Variants in SGCZ observed in about 807,000 individuals in gnomAD.
SGCZ encodes the protein zeta-sarcoglycan.
Under a neutral mutation model 41.3 loss-of-function variants are expected in SGCZ, and 40 were observed. The ratio of observed to expected loss-of-function variants is 0.97; its 90% confidence interval spans 0.75 to 1.26. The LOEUF is 1.26. Among genes scored for constraint, SGCZ ranks in the 50% most tolerant of loss-of-function variants. SGCZ has a pLI of 0.00. For missense variants in SGCZ, 552 were observed against 369.8 expected (o/e 1.49, Z -4.04); for synonymous variants, 206 against 137.5 (o/e 1.50, Z -3.49).
At chr8:14,352,617 T>G (rs565766937) in intron 2 of SGCZ, among the ~76,000 whole-genome samples, 2 of 152,240 alleles carry the variant, frequency 1.3e-5, no homozygotes, top group African/African-American at 4.8e-5. Flanking sequence ...CTACGTGTCC[T>G]CTGGCTTGGG....
chr8:14,913,816 T>C (rs957584977), intron 1 of SGCZ, among the ~76,000 whole-genome samples: 72 of 152,224 alleles, frequency 4.7e-4, no homozygotes, highest in Non-Finnish European at 9.7e-4. Context: ...GCAGCACATA[T>C]TTCTTTAGTC....
intron 1 of SGCZ, among the ~76,000 whole-genome samples, chr8:15,177,801 T>C (rs984765496): frequency 3.9e-5 from 6 of 152,208 alleles, no homozygotes; most frequent in African/African-American, 1.4e-4. Flanking sequence ...TGAGACACCC[T>C]GAACCAGTAT....
intron 2 of SGCZ, among the ~76,000 whole-genome samples, chr8:14,340,575 G>T (rs1353391935): frequency 6.6e-6 from 1 of 151,920 alleles, no homozygotes; most frequent in East Asian, 1.9e-4. Context: ...TTATGTACAA[G>T]CACAAGTACT....
At chr8:14,352,023 G>T (rs1269823937) in intron 2 of SGCZ, among the ~76,000 whole-genome samples, 1 of 151,914 alleles carries the variant, frequency 6.6e-6, no homozygotes, top group African/African-American at 2.4e-5. Context: ...ACATAGCACG[G>T]TACCTTATTT....
At chr8:14,237,512 A>AACG (rs879573239) in intron 4 of SGCZ, 80 bp downstream of exon 4, 4 of 1,092,666 alleles carry the variant, frequency 3.7e-6, no homozygotes, top group East Asian at 2.5e-5. Context: ...CAACAACGAC[A>AACG]ACAACAAGAA....
At chr8:14,523,492 C>T (rs75205927) in intron 2 of SGCZ, among the ~76,000 whole-genome samples, 3,075 of 152,110 alleles carry the variant, frequency 0.02, 77 homozygotes, top group African/African-American at 0.053. Flanking sequence ...TACTATACCA[C>T]TTTCTCCTGG....
At chr8:14,959,338 G>T (rs1333626720) in intron 1 of SGCZ, among the ~76,000 whole-genome samples, 1 of 151,972 alleles carries the variant, frequency 6.6e-6, no homozygotes, top group Non-Finnish European at 1.5e-5. Context: ...TGGTTGGTTG[G>T]TTGTTTGGTA....
In SGCZ at chr8:14,280,351, G is replaced by C. The variant is rs911658051; in HGVS notation, c.337-42672C>G. 5.3e-5 allele frequency among the ~76,000 whole-genome samples: 8 copies of C among 151,912 alleles called. No individual in the cohort carries two copies. In the East Asian group the frequency reaches 1.6e-3, roughly 29 times the overall value. On this transcript the variant is annotated intron_variant, in intron 3 of 7. Transcript: ENST00000382080. The stretch of plus-strand genomic sequence containing the variant: ...TCATATATATAACAGCAGAGTAAGA[G>C]AGAATCAGAATGATTAAGTGTTTAT...
At chr8:14,610,169 G>A (rs1432275593) in intron 1 of SGCZ, among the ~76,000 whole-genome samples, 1 of 152,066 alleles carries the variant, frequency 6.6e-6, no homozygotes, top group Non-Finnish European at 1.5e-5. Context: ...TTTGCAGGAT[G>A]GCAGAATAAG....
intron 2 of SGCZ, among the ~76,000 whole-genome samples, chr8:14,379,516 C>A (rs1008251898): frequency 2.6e-5 from 4 of 152,110 alleles, no homozygotes; most frequent in African/African-American, 7.2e-5. Flanking sequence ...CCAAGGGAAA[C>A]AACTCAATAT....
intron 2 of SGCZ, among the ~76,000 whole-genome samples, chr8:14,342,482 A>C (rs1054922393): frequency 1.3e-5 from 2 of 151,800 alleles, no homozygotes; most frequent in African/African-American, 4.8e-5. Flanking sequence ...CGCCCGGCTA[A>C]TTTTTTGTAT....
intron 1 of SGCZ, among the ~76,000 whole-genome samples, chr8:14,594,045 C>T (rs558999879): frequency 6.6e-6 from 1 of 151,956 alleles, no homozygotes; most frequent in African/African-American, 2.4e-5. Context: ...CGTGGTGGCA[C>T]ACGCCTGTGG....
At chr8:14,122,235 C>G (rs971938227) in intron 5 of SGCZ, among the ~76,000 whole-genome samples, 1 of 152,124 alleles carries the variant, frequency 6.6e-6, no homozygotes, top group Non-Finnish European at 1.5e-5. Context: ...TGAGATTGCG[C>G]CACTGCACTC....
intron 2 of SGCZ, among the ~76,000 whole-genome samples, chr8:14,477,029 T>A (rs1049820152): frequency 6.6e-6 from 1 of 152,224 alleles, no homozygotes; most frequent in South Asian, 2.1e-4. Flanking sequence ...GACTGCCTAC[T>A]GGTTGCAAAT....
intron 1 of SGCZ, among the ~76,000 whole-genome samples, chr8:14,783,727 C>A (rs951828492): frequency 6.6e-6 from 1 of 151,946 alleles, no homozygotes; most frequent in Non-Finnish European, 1.5e-5. Flanking sequence ...GTTTGTTTTT[C>A]TATCTGGGAT....
chr8:14,979,083 G>C (rs1393442875), intron 1 of SGCZ, among the ~76,000 whole-genome samples: 1 of 152,096 alleles, frequency 6.6e-6, no homozygotes, highest in Non-Finnish European at 1.5e-5. Context: ...ATAGGTGTGA[G>C]CCACCACACT....
intron 1 of SGCZ, among the ~76,000 whole-genome samples, chr8:14,823,310 G>A (rs1802178191): frequency 6.6e-6 from 1 of 151,794 alleles, no homozygotes; most frequent in African/African-American, 2.4e-5. Context: ...CAAAACAGAA[G>A]AAAATATTTG....
intron 2 of SGCZ, among the ~76,000 whole-genome samples, chr8:14,418,825 G>A (rs1007605271): frequency 5.9e-5 from 9 of 151,850 alleles, no homozygotes; most frequent in Admixed American, 5.9e-4. Flanking sequence ...AGTCCAAAAT[G>A]TATTAAAAAT....
At chr8:14,441,680 T>C (rs986287622) in intron 2 of SGCZ, among the ~76,000 whole-genome samples, 1 of 152,244 alleles carries the variant, frequency 6.6e-6, no homozygotes, top group African/African-American at 2.4e-5. Context: ...TTTGGCTTTG[T>C]ACGCATCTCA....
Sources: allele counts gnomAD v4.1 joint callset (sites outside exome capture counted in the v4.1 genomes callset), GRCh38; gene constraint gnomAD v4.1.1; transcripts MANE v1.5; gene names NCBI Gene and HGNC (gene_info 2026-07-23, HGNC 2026-07-21).